Variants in CAMK2D observed in about 807,000 individuals in gnomAD.
CAMK2D encodes the protein calcium/calmodulin-dependent protein kinase type II subunit delta.
In CAMK2D, 37 loss-of-function variants were observed where a neutral mutation model predicts 84.0. The ratio of observed to expected loss-of-function variants is 0.44; its 90% CI spans 0.34 to 0.58. CAMK2D has a LOEUF of 0.58. CAMK2D is among the 20% of genes least tolerant of loss of function. The pLI is 0.02. For missense variants in CAMK2D, 448 were observed against 652.5 expected (o/e 0.69, Z 3.41); for synonymous variants, 202 against 212.5 (o/e 0.95, Z 0.43).
chr4:113,581,367 G>T (rs1012044176), intron 4 of CAMK2D, among the ~76,000 whole-genome samples: 2 of 151,934 alleles, frequency 1.3e-5, no homozygotes, highest in Admixed American at 6.6e-5. Flanking sequence ...TACAAAATTA[G>T]CCAAGTGTGG....
At chr4:113,490,016 G>C (rs1252196500) in intron 16 of CAMK2D, among the ~76,000 whole-genome samples, 1 of 151,822 alleles carries the variant, frequency 6.6e-6, no homozygotes, top group African/African-American at 2.4e-5. Context: ...AAATGTGTTT[G>C]AGTTCATTGT....
At chr4:113,494,863 TC>T (rs1338198868) in intron 16 of CAMK2D, among the ~76,000 whole-genome samples, 2 of 152,188 alleles carry the variant, frequency 1.3e-5, no homozygotes, top group Non-Finnish European at 2.9e-5. Flanking sequence ...TTTAAGCCCG[TC>T]GGAAAAGCGC....
At chr4:113,728,153 C>G (rs1359335543) in intron 2 of CAMK2D, among the ~76,000 whole-genome samples, 8 of 152,116 alleles carry the variant, frequency 5.3e-5, no homozygotes, top group Non-Finnish European at 7.4e-5. Flanking sequence ...ATCAATTCTA[C>G]TCCTAAGTAT....
chr4:113,515,606 G>C (rs552480666), intron 9 of CAMK2D, among the ~76,000 whole-genome samples: 1 of 152,102 alleles, frequency 6.6e-6, no homozygotes, highest in Non-Finnish European at 1.5e-5. Context: ...ATGTCATCAT[G>C]ATATTATGCC....
intron 12 of CAMK2D, among the ~76,000 whole-genome samples, chr4:113,510,278 T>TA (rs1461180250): frequency 1.3e-5 from 2 of 152,180 alleles, no homozygotes; most frequent in South Asian, 2.1e-4. Context: ...ACATGATCTC[T>TA]AAAAAATGGC....
At chr4:113,584,717 A>G (rs1205320098) in intron 4 of CAMK2D, among the ~76,000 whole-genome samples, 1 of 152,148 alleles carries the variant, frequency 6.6e-6, no homozygotes, top group Non-Finnish European at 1.5e-5. Flanking sequence ...GATAAGGGAG[A>G]AAAAGATAGC....
chr4:113,621,686 CTA>C (rs1398765442), intron 3 of CAMK2D, among the ~76,000 whole-genome samples: 2 of 152,148 alleles, frequency 1.3e-5, no homozygotes, highest in Non-Finnish European at 2.9e-5. Context: ...TTCTTGAATG[CTA>C]TTTGCTGGGG....
At chr4:113,530,772 G>C (rs2098452755) in intron 8 of CAMK2D, among the ~76,000 whole-genome samples, 1 of 152,154 alleles carries the variant, frequency 6.6e-6, no homozygotes, top group South Asian at 2.1e-4. Flanking sequence ...GAATTTCCCA[G>C]CCTTCACAAC....
At chr4:113,680,041 T>G (rs898965707) in intron 2 of CAMK2D, among the ~76,000 whole-genome samples, 1 of 152,226 alleles carries the variant, frequency 6.6e-6, no homozygotes, top group African/African-American at 2.4e-5. Context: ...GGATTTCCCT[T>G]CTACTAGTCC....
intron 4 of CAMK2D, 79 bp from the exon 5 acceptor site, chr4:113,552,175 T>C (rs1414185252): frequency 1.3e-6 from 1 of 744,148 alleles, no homozygotes; most frequent in African/African-American, 1.8e-5. Flanking sequence ...AATGTGTTCA[T>C]ATAGCTGTTT....
At chr4:113,491,363 A>AT (rs1590077747) in intron 16 of CAMK2D, among the ~76,000 whole-genome samples, 1 of 124,484 alleles carries the variant, frequency 8.0e-6, no homozygotes, top group East Asian at 2.3e-4. Flanking sequence ...GGGTTGTTGA[A>AT]TTTTGTCAAA....
At chr4:113,630,193 C>A (rs1336578197) in intron 3 of CAMK2D, among the ~76,000 whole-genome samples, 1 of 152,140 alleles carries the variant, frequency 6.6e-6, no homozygotes, top group Non-Finnish European at 1.5e-5. Context: ...GCATGGAGGA[C>A]AAAGCATAAA....
rs76087747 is a variant in CAMK2D, at chr4:113,495,266, T to C, written c.1135+5197A>G. ...TACACTACAGTTTCCTCTAAGACAT[T>C]TTTAACCTAATGGAATGACATAATT... On this transcript the variant is annotated intron_variant, in intron 16 of 20. Coordinates refer to ENST00000511664, the MANE Select transcript of CAMK2D (RefSeq NM_001321571.2). 5.7e-3 allele frequency among the ~76,000 whole-genome samples: 875 copies of C among 152,342 alleles called. 8 individuals carry two copies. Among genetic ancestry groups the C allele is most frequent in the African/African-American group, 0.02 (842 of 41,582 alleles).
intron 6 of CAMK2D, among the ~76,000 whole-genome samples, chr4:113,538,821 G>A (rs1424112916): frequency 6.6e-6 from 1 of 152,142 alleles, no homozygotes; most frequent in Non-Finnish European, 1.5e-5. Flanking sequence ...GAGTGTTGGC[G>A]AGTAAGTTTT....
At chr4:113,748,186 G>A (rs1279299661) in intron 2 of CAMK2D, among the ~76,000 whole-genome samples, 1 of 152,140 alleles carries the variant, frequency 6.6e-6, no homozygotes. Flanking sequence ...CAACCTGAAT[G>A]GTAATTTTAC....
intron 16 of CAMK2D, among the ~76,000 whole-genome samples, chr4:113,485,000 C>T (rs1351511679): frequency 6.6e-6 from 1 of 152,082 alleles, no homozygotes; most frequent in Non-Finnish European, 1.5e-5. Flanking sequence ...AATGTGAGGG[C>T]TGAGGGATTC....
chr4:113,463,131 T>G (rs1333419260), intron 17 of CAMK2D, among the ~76,000 whole-genome samples: 1 of 152,152 alleles, frequency 6.6e-6, no homozygotes, highest in African/African-American at 2.4e-5. Flanking sequence ...TGCACACATA[T>G]TTAAGTTATA....
intron 10 of CAMK2D, among the ~76,000 whole-genome samples, chr4:113,514,244 C>G (rs2098255657): frequency 6.6e-6 from 1 of 152,116 alleles, no homozygotes; most frequent in Non-Finnish European, 1.5e-5. Context: ...GAAACCGCAT[C>G]TCTACTAAAA....
rs113529440 is a variant in CAMK2D, at chr4:113,725,344, G to A, written c.160+33976C>T. Among the ~76,000 whole-genome samples the A allele has an allele frequency of 9.4e-3, 1,426 of 151,936 alleles. 30 individuals carry two copies. The highest frequency in any genetic ancestry group is 0.032 in the African/African-American group (1,348 of 41,484). On this transcript the variant is annotated intron_variant, in intron 2 of 20. Coordinates refer to ENST00000511664, the MANE Select transcript of CAMK2D (RefSeq NM_001321571.2). ...AACTATTTTTGCAGAGTGGAAACAGGGTGTGAAAAAGAATCTTTTCAATTT... is the reference window on the plus strand; with the variant it reads ...AACTATTTTTGCAGAGTGGAAACAGAGTGTGAAAAAGAATCTTTTCAATTT...
Sources: gnomAD v4.1 joint callset for allele counts (sites outside exome capture counted in the v4.1 genomes callset) on GRCh38, gnomAD v4.1.1 for gene constraint, MANE v1.5 for transcripts, NCBI Gene and HGNC (gene_info 2026-07-23, HGNC 2026-07-21) for gene names.